PDE11A: variants seen among roughly 807,000 people sequenced by gnomAD.
The protein encoded by PDE11A is phosphodiesterase 11A, also known as dual 3',5'-cyclic-AMP and -GMP phosphodiesterase 11A.
PDE11A carries 100 observed loss-of-function variants against 100.5 expected under a neutral mutation model. The observed-to-expected ratio is 1.00, with a 90% CI of 0.85 to 1.18. PDE11A has a LOEUF of 1.18. Ranked by LOEUF, PDE11A falls within the 50% of genes most tolerant of loss-of-function variation. The pLI is 0.00. For synonymous variants in PDE11A, 381 were observed against 420.8 expected (o/e 0.91, Z 1.16); for missense variants, 1,141 against 1,152.6 (o/e 0.99, Z 0.15).
chr2:177,823,489 C>T (rs2083176325), intron 6 of PDE11A, among the ~76,000 whole-genome samples: 1 of 152,148 alleles, frequency 6.6e-6, no homozygotes. Flanking sequence ...CTTTCTTATG[C>T]ATTATTTTAT....
chr2:178,054,417 C>A (rs2086871314), intron 1 of PDE11A, among the ~76,000 whole-genome samples: 1 of 152,144 alleles, frequency 6.6e-6, no homozygotes, highest in Admixed American at 6.5e-5. Flanking sequence ...CTAGGCAATA[C>A]CATTCAGGAC....
At chr2:177,944,834 CTCTCCG>C (rs1235600340) in intron 2 of PDE11A, among the ~76,000 whole-genome samples, 1 of 128,302 alleles carries the variant, frequency 7.8e-6, no homozygotes, top group Non-Finnish European at 1.8e-5. Flanking sequence ...CTCCCTCTCC[CTCTCCG>C]TCTCCCTCTC....
intron 2 of PDE11A, among the ~76,000 whole-genome samples, chr2:177,994,293 A>G (rs1315505944): frequency 5.3e-5 from 8 of 152,102 alleles, no homozygotes; most frequent in Admixed American, 4.6e-4. Context: ...TAAGAGAGTA[A>G]ACATAAAAAG....
At chr2:177,637,995 A>ATTTTTT (rs1303030999) in intron 19 of PDE11A, among the ~76,000 whole-genome samples, 1 of 54,128 alleles carries the variant, frequency 1.8e-5, no homozygotes, top group Non-Finnish European at 4.0e-5. Context: ...ATATATATAT[A>ATTTTTT]TATTTTTTTT....
At chr2:178,057,948 C>A (rs960034106) in intron 1 of PDE11A, among the ~76,000 whole-genome samples, 6 of 152,154 alleles carry the variant, frequency 3.9e-5, no homozygotes, top group Non-Finnish European at 5.9e-5. Context: ...ACCTCCACCC[C>A]CTGGGTTCAA....
chr2:177,788,459 T>C (rs1257348538), intron 9 of PDE11A, among the ~76,000 whole-genome samples: 2 of 151,438 alleles, frequency 1.3e-5, no homozygotes, highest in African/African-American at 4.9e-5. Flanking sequence ...ATTAACACCC[T>C]AACATCACAA....
intron 2 of PDE11A, among the ~76,000 whole-genome samples, chr2:178,001,442 A>T (rs1047763758): frequency 6.6e-6 from 1 of 152,166 alleles, no homozygotes; most frequent in Admixed American, 6.6e-5. Context: ...TGCCTTCAAT[A>T]GCATGGGGCT....
intron 3 of PDE11A, among the ~76,000 whole-genome samples, chr2:177,899,098 A>G (rs2084658929): frequency 6.6e-6 from 1 of 152,184 alleles, no homozygotes; most frequent in Non-Finnish European, 1.5e-5. Context: ...TTTTTCTGCA[A>G]TGCAACTAGG....
intron 2 of PDE11A, among the ~76,000 whole-genome samples, chr2:177,996,410 C>T (rs1378266178): frequency 3.3e-5 from 5 of 151,074 alleles, no homozygotes; most frequent in Non-Finnish European, 7.4e-5. Flanking sequence ...CTACCCATTC[C>T]TGGAATTTAA....
chr2:177,841,529 A>G (rs145849751), intron 5 of PDE11A, among the ~76,000 whole-genome samples: 254 of 152,358 alleles, frequency 1.7e-3, no homozygotes, highest in Non-Finnish European at 2.6e-3. Flanking sequence ...TTATTATGCA[A>G]TAATGTCCCT....
At chr2:178,101,280 A>G (rs541740692) in intron 2 of PDE11A, among the ~76,000 whole-genome samples, 49 of 152,306 alleles carry the variant, frequency 3.2e-4, no homozygotes, top group African/African-American at 1.1e-3. Flanking sequence ...AAGGATACAA[A>G]TCAGGACTAG....
intron 10 of PDE11A, among the ~76,000 whole-genome samples, chr2:177,752,543 G>A (rs994616984): frequency 6.6e-6 from 1 of 152,132 alleles, no homozygotes; most frequent in African/African-American, 2.4e-5. Flanking sequence ...TCCATTAGAC[G>A]CATATACCCA....
chr2:177,841,589 A>T (rs1315596931), intron 5 of PDE11A, among the ~76,000 whole-genome samples: 1 of 152,252 alleles, frequency 6.6e-6, no homozygotes, highest in East Asian at 1.9e-4. Context: ...TGGAAAGGCC[A>T]TTGGATGCAT....
intron 6 of PDE11A, among the ~76,000 whole-genome samples, chr2:177,826,734 T>C (rs751593181): frequency 3.9e-5 from 6 of 152,240 alleles, no homozygotes; most frequent in Non-Finnish European, 8.8e-5. Flanking sequence ...CCCCATTCTA[T>C]ATTTTATTTA....
intron 16 of PDE11A, among the ~76,000 whole-genome samples, chr2:177,676,689 T>C (rs2080780994): frequency 6.6e-6 from 1 of 152,228 alleles, no homozygotes; most frequent in Non-Finnish European, 1.5e-5. Flanking sequence ...TGTTAAGAAC[T>C]ACGCAAAGGG....
chr2:178,086,781 C>A (rs558493627), intron 2 of PDE11A, among the ~76,000 whole-genome samples: 1 of 152,174 alleles, frequency 6.6e-6, no homozygotes, highest in Non-Finnish European at 1.5e-5. Context: ...CAGAACCCCA[C>A]ATAAAAGTAG....
intron 1 of PDE11A, among the ~76,000 whole-genome samples, chr2:178,045,045 A>G (rs2086732621): frequency 6.6e-6 from 1 of 152,200 alleles, no homozygotes; most frequent in Non-Finnish European, 1.5e-5. Flanking sequence ...TGCCCTACCT[A>G]CAGGTCACCT....
intron 6 of PDE11A, among the ~76,000 whole-genome samples, chr2:177,837,161 T>C (rs1319179890): frequency 6.6e-6 from 1 of 152,220 alleles, no homozygotes; most frequent in Non-Finnish European, 1.5e-5. Flanking sequence ...CTGTAAAGTT[T>C]TGATTAATGA....
intron 12 of PDE11A, among the ~76,000 whole-genome samples, chr2:177,726,641 A>C (rs1384461710): frequency 6.8e-6 from 1 of 147,444 alleles, no homozygotes; most frequent in East Asian, 2.1e-4. Context: ...AAATTTTAAT[A>C]GGCAGAAAAT....
Sources: allele counts gnomAD v4.1 joint callset (sites outside exome capture counted in the v4.1 genomes callset), GRCh38; gene constraint gnomAD v4.1.1; transcripts MANE v1.5; gene names NCBI Gene and HGNC (gene_info 2026-07-23, HGNC 2026-07-21).